FAM83B: variants seen among roughly 807,000 people sequenced by gnomAD.
FAM83B encodes scaffolding CK1 anchoring protein B, also known as protein FAM83B.
Under a neutral mutation model 38.8 loss-of-function variants are expected in FAM83B, and 26 were observed. The observed-to-expected ratio is 0.67, with a 90% CI of 0.49 to 0.93. The LOEUF is 0.93. FAM83B is among the 40% of genes least tolerant of loss of function. The probability of loss-of-function intolerance (pLI) is 0.00; values close to 1 mark genes in which losing one functional copy is unlikely to be tolerated. For missense variants in FAM83B, 1,237 were observed against 1,197.3 expected (o/e 1.03, Z -0.49); for synonymous variants, 419 against 423.1 (o/e 0.99, Z 0.12).
At chr6:54,900,409 C>T (rs1772636103) in intron 2 of FAM83B, among the ~76,000 whole-genome samples, 1 of 152,030 alleles carries the variant, frequency 6.6e-6, no homozygotes, top group Admixed American at 6.6e-5. Context: ...CAGGAGTGTA[C>T]TATTCTTGAA....
At chr6:54,889,645 T>C (rs1260131711) in intron 2 of FAM83B, among the ~76,000 whole-genome samples, 1 of 152,200 alleles carries the variant, frequency 6.6e-6, no homozygotes, top group Admixed American at 6.5e-5. Context: ...TGCTATACTG[T>C]GTATCCAAAA....
chr6:54,882,858 T>C (rs1187928511), intron 2 of FAM83B, among the ~76,000 whole-genome samples: 1 of 152,212 alleles, frequency 6.6e-6, no homozygotes, highest in Non-Finnish European at 1.5e-5. Flanking sequence ...CATGTTAAAT[T>C]ATACTTGTTT....
At chr6:54,863,224 A>T (rs1414182378) in intron 1 of FAM83B, among the ~76,000 whole-genome samples, 2 of 152,226 alleles carry the variant, frequency 1.3e-5, no homozygotes, top group African/African-American at 4.8e-5. Flanking sequence ...GAGGGGTTTC[A>T]GTTAAAAACA....
chr6:54,926,599 A>G (rs998380849), intron 3 of FAM83B, 64 bp downstream of exon 3: 2 of 1,246,716 alleles, frequency 1.6e-6, no homozygotes, highest in Admixed American at 4.5e-5. Flanking sequence ...AGTCAAATGT[A>G]AGGCATCTTA....
intron 2 of FAM83B, among the ~76,000 whole-genome samples, chr6:54,898,334 G>T (rs1406766028): frequency 2.6e-5 from 4 of 152,162 alleles, no homozygotes; most frequent in Non-Finnish European, 5.9e-5. Flanking sequence ...TTTCCTGGGA[G>T]ACTTATCATT....
chr6:54,891,857 A>G (rs1018898043), intron 2 of FAM83B, among the ~76,000 whole-genome samples: 3 of 151,742 alleles, frequency 2.0e-5, no homozygotes. Context: ...GGTTCTCGTT[A>G]TGTTGTCCAG....
At chr6:54,903,628 T>G (rs1197016859) in intron 2 of FAM83B, among the ~76,000 whole-genome samples, 1 of 152,176 alleles carries the variant, frequency 6.6e-6, no homozygotes. Context: ...TCTTTATTAT[T>G]TCCTAACTAC....
intron 1 of FAM83B, among the ~76,000 whole-genome samples, chr6:54,861,251 G>A (rs1057001915): frequency 1.3e-5 from 2 of 152,204 alleles, no homozygotes. Flanking sequence ...GCATCAAAAT[G>A]TCCCAGTAGA....
intron 2 of FAM83B, among the ~76,000 whole-genome samples, chr6:54,877,306 A>G (rs1177314306): frequency 6.7e-6 from 1 of 149,978 alleles, no homozygotes; most frequent in Admixed American, 6.6e-5. Context: ...GTTAACTTTC[A>G]TGAAAATAAG....
intron 2 of FAM83B, among the ~76,000 whole-genome samples, chr6:54,874,648 TTTACAA>T (rs1269151028): frequency 1.3e-5 from 2 of 152,180 alleles, no homozygotes; most frequent in Admixed American, 1.3e-4. Context: ...GTGGTACGTA[TTTACAA>T]AGTTATAACT....
chr6:54,897,760 T>G (rs1471051194), intron 2 of FAM83B, among the ~76,000 whole-genome samples: 1 of 152,202 alleles, frequency 6.6e-6, no homozygotes, highest in African/African-American at 2.4e-5. Context: ...AAGTTCACCA[T>G]CAGTAATGCT....
At chr6:54,882,089 G>T (rs1772144849) in intron 2 of FAM83B, among the ~76,000 whole-genome samples, 1 of 152,054 alleles carries the variant, frequency 6.6e-6, no homozygotes, top group Admixed American at 6.5e-5. Flanking sequence ...CAAAGGACAT[G>T]AACTCATCCT....
Position 54,926,441 on chromosome 6 carries a change from G to T in FAM83B, c.515G>T (p.Arg172Leu). The T allele has an allele frequency of 6.2e-7, 1 of 1,609,652 alleles. No individual in the cohort carries two copies. The highest frequency in any genetic ancestry group is 2.2e-5 in the East Asian group (1 of 44,780). ...AAAGAAATCGTTGAGGCATCAACTCGAGGAGTATCTGTTTACATTCTGCTT... is the reference window on the plus strand; with the variant it reads ...AAAGAAATCGTTGAGGCATCAACTCTAGGAGTATCTGTTTACATTCTGCTT... ...IFKEIVEASTRGVSVYILLDE... is the reference protein window; with the variant it reads ...IFKEIVEASTLGVSVYILLDE... Residue 172 changes from arginine to leucine, a missense_variant, in exon 3 of 5, where the codon CGA (arginine) becomes CTA (leucine). Coordinates refer to ENST00000306858, the MANE Select transcript of FAM83B (RefSeq NM_001010872.3).
In FAM83B at chr6:54,939,686, T is replaced by G. The variant is rs747543916; in HGVS notation, c.735-20T>G. 2.5e-5 allele frequency: 39 copies of G among 1,540,320 alleles called. No individual in the cohort carries two copies. Among genetic ancestry groups the G allele is most frequent in the Non-Finnish European group, 3.2e-5 (37 of 1,148,188 alleles). On this transcript the variant is annotated intron_variant, in intron 4 of 4. Transcript: ENST00000306858. ...TATCAATCTTTTAAATGATTAAAAT[T>G]TTTCCATTTTTTTCCCCAGTTATAT...
chr6:54,884,990 T>C (rs376161421), intron 2 of FAM83B, among the ~76,000 whole-genome samples: 5 of 152,234 alleles, frequency 3.3e-5, no homozygotes, highest in African/African-American at 1.2e-4. Context: ...GCCAGGATGG[T>C]CTTGATCTCC....
intron 4 of FAM83B, among the ~76,000 whole-genome samples, chr6:54,934,386 G>A (rs1432379625): frequency 2.0e-5 from 3 of 152,140 alleles, no homozygotes; most frequent in Middle Eastern, 3.2e-3. Context: ...CAACGTTTGA[G>A]TTTACAGCTG....
intron 2 of FAM83B, among the ~76,000 whole-genome samples, chr6:54,891,245 A>G (rs1198409236): frequency 6.6e-6 from 1 of 152,084 alleles, no homozygotes; most frequent in Non-Finnish European, 1.5e-5. Flanking sequence ...CCTGTGTCTC[A>G]TAGGCTACTG....
At chr6:54,852,462 TTG>T (rs1315329347) in intron 1 of FAM83B, among the ~76,000 whole-genome samples, 11 of 152,214 alleles carry the variant, frequency 7.2e-5, no homozygotes, top group African/African-American at 2.7e-4. Context: ...TCTATAAATG[TTG>T]TGTGTGTTCT....
chr6:54,882,207 A>G (rs1772148513), intron 2 of FAM83B, among the ~76,000 whole-genome samples: 1 of 152,170 alleles, frequency 6.6e-6, no homozygotes, highest in Non-Finnish European at 1.5e-5. Flanking sequence ...TATTGTGCAT[A>G]GTGCATCTGG....
Sources: gnomAD v4.1 joint callset for allele counts (sites outside exome capture counted in the v4.1 genomes callset) on GRCh38, gnomAD v4.1.1 for gene constraint, MANE v1.5 for transcripts, NCBI Gene and HGNC (gene_info 2026-07-23, HGNC 2026-07-21) for gene names.